The following TBCD variants were observed in gnomAD, a reference collection of about 807,000 sequenced individuals.
The protein encoded by TBCD is tubulin folding cofactor D.
A neutral mutation model predicts 169.3 loss-of-function variants in TBCD; 105 were observed. The observed-to-expected ratio is 0.62, with a 90% CI of 0.53 to 0.73. TBCD has a LOEUF of 0.73. TBCD is among the 30% of genes least tolerant of loss of function. The pLI, the probability that TBCD is intolerant of heterozygous loss-of-function variation, is 0.00. For missense variants in TBCD, 1,444 were observed against 1,600.1 expected, an observed-to-expected ratio of 0.90 and a Z score of 1.66; for synonymous variants, 700 against 643.9, an observed-to-expected ratio of 1.09 and a Z score of -1.32.
chr17:82,942,457 C>T lies in TBCD; in HGVS notation c.3573C>T (p.Ala1191=), dbSNP rs1599789111. Residue 1191 remains alanine (A), a synonymous_variant, in exon 39 of 39, where the codon GCC becomes GCT. Coordinates refer to ENST00000355528, the MANE Select transcript of TBCD (RefSeq NM_005993.5). ...PRPQLVPQPG[A]C ...TCTTGTCTCTTCTTCAGCCTGGTGC[C>T]TGCTGAAGCCAGTCCTGGAGCCCAT... The T allele has an allele frequency of 1.2e-6, 2 of 1,613,982 alleles. No homozygotes were observed. The highest frequency in any genetic ancestry group is 1.7e-6 in the Non-Finnish European group (2 of 1,179,884).
intron 2 of TBCD, among the ~76,000 whole-genome samples, chr17:82,757,035 ATTTTTC>A (rs2047437925): frequency 2.0e-5 from 3 of 152,076 alleles, no homozygotes; most frequent in Admixed American, 2.0e-4. Context: ...ACTGATTAAA[ATTTTTC>A]TTTTTCTACC....
chr17:82,793,040 G>A (rs1023444838), intron 7 of TBCD, among the ~76,000 whole-genome samples: 3 of 152,120 alleles, frequency 2.0e-5, no homozygotes, highest in Admixed American at 6.5e-5. Flanking sequence ...TCGGATTCTA[G>A]GTGTGAGCCA....
At chr17:82,898,537 TTGA>T (rs879858535) in intron 17 of TBCD, among the ~76,000 whole-genome samples, 3 of 152,252 alleles carry the variant, frequency 2.0e-5, no homozygotes, top group Non-Finnish European at 4.4e-5. Context: ...TGTAAACTTT[TTGA>T]TGATATTTCT....
chr17:82,903,436 C>A lies in TBCD; in HGVS notation c.1762C>A (p.His588Asn). 6.2e-7 allele frequency: 1 copy of A among 1,604,262 alleles called. No individual in the cohort carries two copies. Among genetic ancestry groups the A allele is most frequent in the Non-Finnish European group, 8.5e-7 (1 of 1,175,470 alleles). ...CCGAGAGTTGGCTGCGAGGGCGCTGCACAACCTGGCCCAGCAGGCACCCGA... is the reference window on the plus strand; with the variant it reads ...CCGAGAGTTGGCTGCGAGGGCGCTGAACAACCTGGCCCAGCAGGCACCCGA... The part of the protein sequence containing the change: ...VIRELAARAL[H>N]NLAQQAPEFS... The change falls in exon 19 of 39, where the codon CAC becomes AAC. Residue 588 changes from histidine to asparagine, a missense_variant. Transcript: ENST00000355528. This position sits in a 1 kb window ranked among gnomAD's most constrained non-coding sequence, Gnocchi z 4.8.
At chr17:82,769,168 C>T (rs2048176099) in intron 5 of TBCD, among the ~76,000 whole-genome samples, 1 of 152,174 alleles carries the variant, frequency 6.6e-6, no homozygotes, top group Non-Finnish European at 1.5e-5. Flanking sequence ...GTCAAGCTTG[C>T]CCACAGCTGC....
Position 82,758,400 on chromosome 17 carries a change from A to T in TBCD, c.235+2185A>T, listed in dbSNP as rs868651839. On this transcript the variant is annotated intron_variant, in intron 2 of 38. Coordinates refer to ENST00000355528, the MANE Select transcript of TBCD (RefSeq NM_005993.5). ...AACGTCTCGGAAAAAAAAAAAAAAA[A>T]AAATAAATAAATAAATAAATTTTTT... Among the ~76,000 whole-genome samples the T allele has an allele frequency of 4.8e-3, 476 of 100,082 alleles. 5 individuals are homozygous for T. Among genetic ancestry groups the T allele is most frequent in the African/African-American group, 0.016 (449 of 27,530 alleles). The allele number at this position is 100,082 out of a possible 152,430, so 65.7% of individuals were successfully genotyped here. A position where few individuals can be genotyped will look rare whatever the true frequency, so the allele number is the denominator to read the frequency against.
rs111780948 is a variant in TBCD, at chr17:82,878,383, C to T, written c.1476-5762C>T. ...CCTCACCCCAGACAGAAGCCATGTGCACCAGGTCCCGTCACCCGCTCCAAG... is the reference window on the plus strand; with the variant it reads ...CCTCACCCCAGACAGAAGCCATGTGTACCAGGTCCCGTCACCCGCTCCAAG... On this transcript the variant is annotated intron_variant, in intron 14 of 38. Transcript: ENST00000355528. 2.6e-5 allele frequency among the ~76,000 whole-genome samples: 4 copies of T among 152,350 alleles called. No individual in the cohort carries two copies. The South Asian group carries it at 8.3e-4, about 32-fold the overall frequency.
chr17:82,927,366 A>C lies in TBCD; in HGVS notation c.2609+43A>C, dbSNP rs753495494. 6.3e-6 allele frequency: 10 copies of C among 1,589,826 alleles called. No individual in the cohort carries two copies. In the South Asian group the frequency reaches 1.0e-4, roughly 16 times the overall value. The stretch of plus-strand genomic sequence containing the variant: ...GGTGAGCGCTTCTTCTGAGAAGCCC[A>C]TCTATTCCGTGGAAACTCGGAGGCC... On this transcript the variant is annotated intron_variant, in intron 29 of 38. Transcript: ENST00000355528.
Position 82,943,242 on chromosome 17 carries a change from G to T in TBCD, c.*779G>T, listed in dbSNP as rs1426127091. On this transcript the variant is annotated 3_prime_UTR_variant, in exon 39 of 39. Coordinates refer to ENST00000355528, the MANE Select transcript of TBCD (RefSeq NM_005993.5). ...TCCACACTTGGGTTTTTAGGCAAAG[G>T]GCAGGAGGCTACCTTTGTCTCTGTG... 6.6e-6 allele frequency: 1 copy of T among 152,284 alleles called. No individual in the cohort carries two copies. Among genetic ancestry groups the T allele is most frequent in the African/African-American group, 2.4e-5 (1 of 41,446 alleles). The allele number at this position is 152,284 out of a possible 1,614,324, so 9.4% of individuals were successfully genotyped here. A position where few individuals can be genotyped will look rare whatever the true frequency, so the allele number is the denominator to read the frequency against.
At chr17:82,873,875 G>A (rs978921796) in intron 14 of TBCD, among the ~76,000 whole-genome samples, 1 of 152,192 alleles carries the variant, frequency 6.6e-6, no homozygotes, top group Non-Finnish European at 1.5e-5. Context: ...ACATTCTCAG[G>A]CATGAACCTT....
At position 82,927,168 on chromosome 17, in the gene TBCD, A is replaced by G. The variant is rs1318769727; in HGVS notation, c.2472-18A>G. On this transcript the variant is annotated intron_variant, in intron 28 of 38. Transcript: ENST00000355528. The stretch of plus-strand genomic sequence containing the variant: ...CTCACCGATGTTTGTTTGTTAGCTC[A>G]CACATTTTAAATTTCAGGATTTGCC... 6.2e-7 allele frequency: 1 copy of G among 1,613,886 alleles called. No homozygotes were observed. Among genetic ancestry groups the G allele is most frequent in the Admixed American group, 1.7e-5 (1 of 60,018 alleles).
intron 2 of TBCD, among the ~76,000 whole-genome samples, chr17:82,756,804 G>GTTTATTATTTT (rs1483991541): frequency 4.6e-5 from 7 of 152,070 alleles, no homozygotes; most frequent in African/African-American, 1.7e-4. Flanking sequence ...GTTTACATTA[G>GTTTATTATTTT]TTTATTATTT....
rs763143236 is a variant in TBCD, at chr17:82,814,860, C to T, written c.1244C>T (p.Ala415Val). ...CTCAGTTTCCAGGAGACTGACAAGG[C>T]GTGGCATGGGGGATGTCTGGCGCTG... ...DCFSFQETDK[A>V]WHGGCLALAE... Residue 415 changes from alanine to valine, a missense_variant, in exon 13 of 39, where the codon GCG (alanine) becomes GTG (valine). By Grantham distance (64) the Ala-to-Val change is moderately conservative. Coordinates refer to ENST00000355528, the MANE Select transcript of TBCD (RefSeq NM_005993.5). The T allele has an allele frequency of 2.1e-5, 34 of 1,613,662 alleles. No individual in the cohort carries two copies. The highest frequency in any genetic ancestry group is 6.6e-5 in the South Asian group (6 of 91,068).
At chr17:82,769,876 CA>C (rs11348436) in intron 5 of TBCD, among the ~76,000 whole-genome samples, 48,968 of 110,970 alleles carry the variant, frequency 0.44, 8,031 homozygotes, top group Middle Eastern at 0.5. Context: ...GAGTCCATCT[CA>C]AAAAAAAAAA....
At chr17:82,836,138 G>C (rs1241155761) in intron 13 of TBCD, among the ~76,000 whole-genome samples, 14 of 152,248 alleles carry the variant, frequency 9.2e-5, no homozygotes, top group Admixed American at 9.2e-4. Flanking sequence ...AGTCCCTACC[G>C]TGTGGGGCAG....
intron 8 of TBCD, among the ~76,000 whole-genome samples, chr17:82,800,309 T>A (rs556014826): frequency 6.6e-6 from 1 of 152,292 alleles, no homozygotes; most frequent in African/African-American, 2.4e-5. Context: ...TGCCCAGTGC[T>A]ACCTTGAGCC....
chr17:82,830,448 G>T, intron 13 of TBCD: 1 of 1,612,314 alleles, frequency 6.2e-7, no homozygotes, highest in Non-Finnish European at 8.5e-7. Context: ...TGTCCACCGC[G>T]CATGCGTCTG....
rs1234218084 is a variant in TBCD at position 82,884,735 on chromosome 17, G to A, written c.1533+533G>A. On this transcript the variant is annotated intron_variant, in intron 15 of 38. Transcript: ENST00000355528. This position sits in a 1 kb window ranked among gnomAD's most constrained non-coding sequence, Gnocchi z 4.2. ...TTTCCTCTAGAGAGAGCCCTGTGAC[G>A]TTTGGGGTGAATTCTGGGTGTGAGG... The A allele has an allele frequency of 5.7e-6, 1 of 175,772 alleles. No individual in the cohort carries two copies. Among genetic ancestry groups the A allele is most frequent in the African/African-American group, 2.3e-5 (1 of 42,834 alleles). 10.9% of individuals were successfully genotyped at this position (175,772 alleles called of 1,614,324 possible).
chr17:82,932,777 A>G (rs1432560251), intron 34 of TBCD, 42 bp downstream of exon 34: 9 of 1,592,846 alleles, frequency 5.7e-6, no homozygotes, highest in Non-Finnish European at 6.0e-6. Context: ...GATTAAGCCT[A>G]AGTAGCTCAT....
Sources: gnomAD v4.1 joint callset for allele counts (sites outside exome capture counted in the v4.1 genomes callset) on GRCh38, gnomAD v4.1.1 for gene constraint, Gnocchi (gnomAD v3.1) non-coding constraint, MANE v1.5 for transcripts, NCBI Gene and HGNC (gene_info 2026-07-23, HGNC 2026-07-21) for gene names.